Variants in EYS observed in about 807,000 individuals in gnomAD.
The protein encoded by EYS is protein eyes shut homolog.
EYS carries 250 observed loss-of-function variants against 282.1 expected under a neutral mutation model. The ratio of observed to expected loss-of-function variants is 0.89; its 90% CI spans 0.80 to 0.98. EYS has a LOEUF of 0.98. Ranked by LOEUF, EYS falls within the 50% of genes least tolerant of loss-of-function variation. The probability of loss-of-function intolerance (pLI) is 0.00; values close to 1 mark genes in which losing one functional copy is unlikely to be tolerated. For missense variants in EYS, 4,016 were observed against 3,709.0 expected, an observed-to-expected ratio of 1.08 and a Z score of -2.15; for synonymous variants, 1,355 against 1,282.9, an observed-to-expected ratio of 1.06 and a Z score of -1.20.
intron 36 of EYS, among the ~76,000 whole-genome samples, chr6:63,849,527 C>T (rs1432051736): frequency 6.6e-6 from 1 of 152,188 alleles, no homozygotes; most frequent in Admixed American, 6.5e-5. Context: ...GATACCCATG[C>T]AAACAGTGTC....
intron 29 of EYS, among the ~76,000 whole-genome samples, chr6:64,352,674 G>A (rs889272653): frequency 2.6e-5 from 4 of 151,398 alleles, no homozygotes; most frequent in African/African-American, 7.3e-5. Flanking sequence ...TACATGGGAT[G>A]GAAAAATGAA....
intron 36 of EYS, chr6:63,857,708 CT>C: frequency 1.4e-5 from 6 of 413,872 alleles, no homozygotes; most frequent in South Asian, 5.9e-5. Context: ...GGATGTTGAC[CT>C]TTTTGCCATC....
intron 5 of EYS, among the ~76,000 whole-genome samples, chr6:65,413,899 T>G (rs966294197): frequency 6.6e-6 from 1 of 152,040 alleles, no homozygotes; most frequent in African/African-American, 2.4e-5. Context: ...CCACATCTTG[T>G]TGTATTTACA....
chr6:65,521,418 T>C (rs1767367462), intron 2 of EYS, among the ~76,000 whole-genome samples: 1 of 152,168 alleles, frequency 6.6e-6, no homozygotes, highest in African/African-American at 2.4e-5. Context: ...CTAAATTATA[T>C]AAATCATAAA....
At position 64,648,359 on chromosome 6, in the gene EYS, C is replaced by A. The variant is rs1447734719; in HGVS notation, c.3444-22114G>T. The stretch of plus-strand genomic sequence containing the variant: ...CAGAAGCTATAAGCTGTTTTCCTAC[C>A]TAGCCATGAAAGCATCATTTCTACT... On this transcript the variant is annotated intron_variant, in intron 22 of 42. Coordinates refer to ENST00000503581, the MANE Select transcript of EYS (RefSeq NM_001142800.2). 3.9e-5 allele frequency among the ~76,000 whole-genome samples: 6 copies of A among 152,162 alleles called. No individual in the cohort carries two copies. The South Asian group carries it at 1.2e-3, about 32-fold the overall frequency.
At chr6:65,062,450 C>T (rs1773605469) in intron 12 of EYS, among the ~76,000 whole-genome samples, 2 of 151,918 alleles carry the variant, frequency 1.3e-5, no homozygotes, top group Admixed American at 1.3e-4. Flanking sequence ...GTTGCTTTAA[C>T]TGTTTTTCTG....
At chr6:65,156,034 C>A (rs962048025) in intron 12 of EYS, among the ~76,000 whole-genome samples, 5 of 151,374 alleles carry the variant, frequency 3.3e-5, no homozygotes, top group Admixed American at 2.0e-4. Context: ...TAACTTTTAA[C>A]TTCTTTTCAA....
intron 7 of EYS, among the ~76,000 whole-genome samples, chr6:65,392,839 T>C (rs1766103622): frequency 1.3e-5 from 2 of 151,706 alleles, no homozygotes; most frequent in African/African-American, 4.8e-5. Flanking sequence ...CCCAAAGGAA[T>C]ATAAATCATG....
At chr6:64,235,899 G>A (rs963166786) in intron 30 of EYS, among the ~76,000 whole-genome samples, 1 of 152,298 alleles carries the variant, frequency 6.6e-6, no homozygotes, top group South Asian at 2.1e-4. Context: ...GAGGTACAAG[G>A]AGGAACTGGT....
At position 64,475,008 on chromosome 6, in the gene EYS, G is replaced by C. The variant is rs193130000; in HGVS notation, c.5645-35656C>G. On this transcript the variant is annotated intron_variant, in intron 26 of 42. Transcript: ENST00000503581. ...TCTTGGCCATGAGGCAATGGCCAAC[G>C]GGAAATATAGGTGAGAAAACATAAA... is the stretch of plus-strand genomic sequence containing the variant. Among the ~76,000 whole-genome samples the C allele has an allele frequency of 2.0e-3, 311 of 152,238 alleles. 1 individual carries two copies. Among genetic ancestry groups the C allele is most frequent in the Non-Finnish European group, 3.3e-3 (222 of 68,012 alleles).
intron 31 of EYS, among the ~76,000 whole-genome samples, chr6:64,225,582 ATCT>A (rs1278950145): frequency 2.0e-5 from 3 of 152,158 alleles, no homozygotes; most frequent in Non-Finnish European, 4.4e-5. Flanking sequence ...AGATGCAGAC[ATCT>A]TCTAGAAGAT....
At chr6:64,545,364 C>A (rs62415789) in intron 26 of EYS, among the ~76,000 whole-genome samples, 14,310 of 152,106 alleles carry the variant, frequency 0.094, 852 homozygotes, top group East Asian at 0.15. Context: ...ATTGATGGGA[C>A]GTATCTCAAA....
intron 16 of EYS, among the ~76,000 whole-genome samples, chr6:64,904,839 G>A (rs62416460): frequency 0.031 from 4,781 of 152,176 alleles, 92 homozygotes; most frequent in Middle Eastern, 0.082. Context: ...TATTTATTAA[G>A]TTTGACATTT....
At chr6:65,628,041 A>C (rs910745531) in intron 2 of EYS, among the ~76,000 whole-genome samples, 1 of 152,202 alleles carries the variant, frequency 6.6e-6, no homozygotes, top group Non-Finnish European at 1.5e-5. Context: ...CTTTATATCT[A>C]GCTCAGGGAT....
intron 35 of EYS, among the ~76,000 whole-genome samples, chr6:63,892,938 T>C (rs1269455323): frequency 3.3e-5 from 5 of 152,136 alleles, no homozygotes; most frequent in African/African-American, 1.2e-4. Flanking sequence ...AGAGATACTT[T>C]TCAAAAGAAG....
At chr6:64,309,338 T>A (rs1769583653) in intron 29 of EYS, among the ~76,000 whole-genome samples, 1 of 152,198 alleles carries the variant, frequency 6.6e-6, no homozygotes, top group Non-Finnish European at 1.5e-5. Flanking sequence ...ATAATTCAAT[T>A]TCATTCACAC....
chr6:65,491,270 T>TACACACACACACACAC (rs57650145), intron 4 of EYS: 1 of 168,988 alleles, frequency 5.9e-6, no homozygotes, highest in Non-Finnish European at 1.2e-5. Context: ...ATCAGTTATA[T>TACACACACACACACAC]ACACACACAC....
intron 29 of EYS, among the ~76,000 whole-genome samples, chr6:64,344,892 C>G (rs536061910): frequency 6.6e-6 from 1 of 151,978 alleles, no homozygotes; most frequent in South Asian, 2.1e-4. Flanking sequence ...ACAAGCACTC[C>G]TATACACCAA....
intron 12 of EYS, among the ~76,000 whole-genome samples, chr6:65,218,701 T>C (rs1007885917): frequency 2.6e-5 from 4 of 152,100 alleles, no homozygotes; most frequent in Non-Finnish European, 4.4e-5. Flanking sequence ...GACAAATCGT[T>C]ACAGTTCTAA....
Sources: gnomAD v4.1 joint callset for allele counts (sites outside exome capture counted in the v4.1 genomes callset) on GRCh38, gnomAD v4.1.1 for gene constraint, MANE v1.5 for transcripts, NCBI Gene and HGNC (gene_info 2026-07-23, HGNC 2026-07-21) for gene names.